The following PTK7 variants were observed in gnomAD, a reference collection of about 807,000 sequenced individuals.
PTK7 encodes the protein protein tyrosine kinase 7 (inactive), also known as inactive tyrosine-protein kinase 7.
Under a neutral mutation model 116.6 loss-of-function variants are expected in PTK7, and 39 were observed. The observed-to-expected ratio is 0.33, with a 90% CI of 0.26 to 0.44. PTK7 has a LOEUF of 0.44. Among genes scored for constraint, PTK7 ranks in the 20% least tolerant of loss-of-function variants. PTK7 has a pLI of 1.00. For missense variants in PTK7, 1,169 were observed against 1,425.6 expected (o/e 0.82, Z 2.90); for synonymous variants, 546 against 563.6 (o/e 0.97, Z 0.44).
intron 7 of PTK7, among the ~76,000 whole-genome samples, chr6:43,135,130 G>T (rs1440412109): frequency 6.6e-6 from 1 of 152,188 alleles, no homozygotes; most frequent in African/African-American, 2.4e-5. Flanking sequence ...GCTTTGATCA[G>T]TCATTCCACA....
At chr6:43,113,235 C>T (rs943151324) in intron 1 of PTK7, among the ~76,000 whole-genome samples, 5 of 151,954 alleles carry the variant, frequency 3.3e-5, no homozygotes, top group East Asian at 1.9e-4. Context: ...AGTTTGAGTT[C>T]GAGCCTAGCC....
chr6:43,125,397 G>A (rs1346283362), intron 1 of PTK7, among the ~76,000 whole-genome samples: 1 of 152,144 alleles, frequency 6.6e-6, no homozygotes, highest in African/African-American at 2.4e-5. Flanking sequence ...AGGAGTGGGT[G>A]CTGGAGGCTG....
chr6:43,149,945 T>C (rs1334905414), intron 17 of PTK7, among the ~76,000 whole-genome samples: 1 of 152,032 alleles, frequency 6.6e-6, no homozygotes, highest in Non-Finnish European at 1.5e-5. Flanking sequence ...AAGTGCCATA[T>C]TGGGTGTGAG....
intron 1 of PTK7, among the ~76,000 whole-genome samples, chr6:43,125,308 G>A (rs954195099): frequency 1.6e-4 from 24 of 152,248 alleles, no homozygotes; most frequent in Non-Finnish European, 4.4e-5. Context: ...CCAGTCGTTG[G>A]GGCACAGGGG....
At chr6:43,137,689 A>G (rs1226759169) in intron 7 of PTK7, among the ~76,000 whole-genome samples, 1 of 152,218 alleles carries the variant, frequency 6.6e-6, no homozygotes, top group East Asian at 1.9e-4. Flanking sequence ...TTGGCATTTT[A>G]TGGTGTAATA....
At chr6:43,080,109 TTGGGAGGC>T (rs1361715848) in intron 1 of PTK7, among the ~76,000 whole-genome samples, 1 of 150,468 alleles carries the variant, frequency 6.6e-6, no homozygotes, top group Non-Finnish European at 1.5e-5. Context: ...TCCCAGCACT[TTGGGAGGC>T]TGAGGTGGGC....
chr6:43,139,148 G>C lies in PTK7; in HGVS notation c.1375G>C (p.Glu459Gln). Residue 459 changes from glutamate to glutamine, a missense_variant, in exon 9 of 20, where the codon GAG (glutamate) becomes CAG (glutamine). Glu to Gln is a conservative substitution (Grantham distance 29). Around this residue, in one of 3 missense-constraint regions of PTK7, gnomAD observed 678 missense variants for 853.8 expected, o/e 0.79. Transcript: ENST00000230419. This position sits in a 1 kb window ranked among gnomAD's most constrained non-coding sequence, Gnocchi z 4.6. ...QMLISEDSRF[E>Q]VFKNGTLRIN... ...ACCTGTGCTGCAGGACTCACGGTTC[G>C]AGGTCTTCAAGAATGGGACCTTGCG... 2 of 1,614,216 alleles carry C rather than the reference G, an allele frequency of 1.2e-6. No homozygotes were observed. Among genetic ancestry groups the C allele is most frequent in the Non-Finnish European group, 8.5e-7 (1 of 1,180,042 alleles).
In PTK7 at chr6:43,127,230, G is replaced by A. The variant is rs141721660; in HGVS notation, c.80-1747G>A. The stretch of plus-strand genomic sequence containing the variant: ...GGCTCAAGGCAGAGCCTGCTGCTTC[G>A]TGTAGCAGTTCCAGGTGGCCCATTT... On this transcript the variant is annotated intron_variant, in intron 1 of 19. Transcript: ENST00000230419. Among the ~76,000 whole-genome samples, 1,316 of 152,316 alleles carry A rather than the reference G, an allele frequency of 8.6e-3. 17 individuals carry two copies. The highest frequency in any genetic ancestry group is 0.029 in the African/African-American group (1,200 of 41,572).
rs1221940219 is a variant in PTK7 at position 43,118,667 on chromosome 6, ATATATATATATATATATATATG to A, written c.80-10302_80-10281del. ...TCTCTCTCTCTCTCTCTCTATATAT[ATATATATATATATATATATATG>A]TATATATGTATATATGTCTGTATAT... On this transcript the variant is annotated intron_variant, in intron 1 of 19. Transcript: ENST00000230419. Among the ~76,000 whole-genome samples, 266 of 84,794 alleles carry A rather than the reference ATATATATATATATATATATATG, an allele frequency of 3.1e-3. 1 individual carries two copies. The highest frequency in any genetic ancestry group is 0.013 in the South Asian group (33 of 2,580). The allele number at this position is 84,794 out of a possible 152,430, so 55.6% of individuals were successfully genotyped here.
At chr6:43,156,726 T>A (rs143311487) in intron 17 of PTK7, among the ~76,000 whole-genome samples, 3,268 of 151,962 alleles carry the variant, frequency 0.022, 120 homozygotes, top group African/African-American at 0.073. Flanking sequence ...TGAAACCCCA[T>A]CTCTACTGAA....
chr6:43,098,920 A>T lies in PTK7; in HGVS notation c.79+22353A>T, dbSNP rs528102294. Among the ~76,000 whole-genome samples the T allele has an allele frequency of 1.8e-3, 273 of 152,306 alleles. 1 individual carries two copies. The highest frequency in any genetic ancestry group is 4.7e-3 in the African/African-American group (197 of 41,570). ...CATGTTCTTTACATAATACAAACCT[A>T]AAATAATGGCAAAGTTTGTTTTATT... On this transcript the variant is annotated intron_variant, in intron 1 of 19. Transcript: ENST00000230419.
At chr6:43,093,211 C>T (rs138815130) in intron 1 of PTK7, among the ~76,000 whole-genome samples, 1,619 of 99,502 alleles carry the variant, frequency 0.016, 40 homozygotes, top group African/African-American at 0.062. Flanking sequence ...TTTTTTGAGA[C>T]GGAGTTTCAC....
At chr6:43,105,089 G>A (rs1488629454) in intron 1 of PTK7, among the ~76,000 whole-genome samples, 1 of 151,010 alleles carries the variant, frequency 6.6e-6, no homozygotes, top group African/African-American at 2.4e-5. Context: ...GGGATTATAG[G>A]CATGAGCCAC....
At chr6:43,140,452 CAAA>C (rs58975715) in intron 10 of PTK7, among the ~76,000 whole-genome samples, 5 of 101,616 alleles carry the variant, frequency 4.9e-5, no homozygotes, top group Non-Finnish European at 6.5e-5. Flanking sequence ...GACTCCATCT[CAAA>C]AAAAAAAAAA....
In PTK7 at chr6:43,145,723, C is replaced by T. The variant is rs74965841; in HGVS notation, c.2640+291C>T. The T allele has an allele frequency of 9.6e-3, 2,314 of 242,236 alleles. 52 individuals carry two copies. The highest frequency in any genetic ancestry group is 0.047 in the African/African-American group (2,110 of 44,736). 15.0% of individuals were successfully genotyped at this position (242,236 alleles called of 1,614,324 possible). A position where few individuals can be genotyped will look rare whatever the true frequency, so the allele number is the denominator to read the frequency against. On this transcript the variant is annotated intron_variant, in intron 16 of 19. Coordinates refer to ENST00000230419, the MANE Select transcript of PTK7 (RefSeq NM_002821.5). This position sits in a 1 kb window ranked among gnomAD's most constrained non-coding sequence, Gnocchi z 4.8. ...ACTGTCACACTGCAGGGATGCCTTC[C>T]AGGTCATCTTCTCTGACTCTTGTTT...
At chr6:43,126,045 C>T (rs540639171) in intron 1 of PTK7, among the ~76,000 whole-genome samples, 5 of 152,150 alleles carry the variant, frequency 3.3e-5, no homozygotes, top group East Asian at 3.9e-4. Context: ...TTGGGCAGGG[C>T]GCCATGGCTC....
At chr6:43,136,212 G>A (rs192582433) in intron 7 of PTK7, among the ~76,000 whole-genome samples, 5 of 151,390 alleles carry the variant, frequency 3.3e-5, no homozygotes, top group African/African-American at 9.7e-5. Flanking sequence ...GCACATGCCT[G>A]TAATCCCAGC....
chr6:43,136,715 A>G (rs1770063213), intron 7 of PTK7, among the ~76,000 whole-genome samples: 1 of 152,108 alleles, frequency 6.6e-6, no homozygotes, highest in Non-Finnish European at 1.5e-5. Flanking sequence ...AGAAAAATAC[A>G]CCATGACCCA....
chr6:43,077,476 A>T (rs1246868411), intron 1 of PTK7, among the ~76,000 whole-genome samples: 1 of 152,174 alleles, frequency 6.6e-6, no homozygotes, highest in Non-Finnish European at 1.5e-5. Context: ...TCACCAGGGC[A>T]GACAGCACCG....
Sources: gnomAD v4.1 joint callset for allele counts (sites outside exome capture counted in the v4.1 genomes callset) on GRCh38, gnomAD v4.1.1 for gene constraint, gnomAD v4.1.1 regional missense constraint, Gnocchi (gnomAD v3.1) non-coding constraint, MANE v1.5 for transcripts, NCBI Gene and HGNC (gene_info 2026-07-23, HGNC 2026-07-21) for gene names.